Variants in NRF1 observed in about 807,000 individuals in gnomAD.
The protein encoded by NRF1 is alpha palindromic-binding protein.
A neutral mutation model predicts 58.5 loss-of-function variants in NRF1; 5 were observed. That is an observed-to-expected ratio of 0.09 (90% CI 0.04 to 0.18). The LOEUF is 0.18. Among genes scored for constraint, NRF1 ranks in the 10% least tolerant of loss-of-function variants. The pLI, the probability that NRF1 is intolerant of heterozygous loss-of-function variation, is 1.00. For synonymous variants in NRF1, 224 were observed against 246.7 expected (o/e 0.91, Z 0.86); for missense variants, 288 against 657.7 (o/e 0.44, Z 6.15).
rs150916699 is a variant in NRF1 at position 129,681,642 on chromosome 7, C to T, written c.465+3884C>T. On this transcript the variant is annotated intron_variant, in intron 4 of 10. Coordinates refer to ENST00000393232, the MANE Select transcript of NRF1 (RefSeq NM_005011.5). The stretch of plus-strand genomic sequence containing the variant: ...ACCTTAGAGTGTAGTGGCACAATCT[C>T]AGCTCACTGCAATCTCCTCCTCTTG... Among the ~76,000 whole-genome samples, 300 of 152,304 alleles carry T rather than the reference C, an allele frequency of 2.0e-3. 3 individuals are homozygous for T. Among genetic ancestry groups the T allele is most frequent in the African/African-American group, 6.8e-3 (283 of 41,570 alleles).
chr7:129,719,242 C>T (rs1007956797), intron 9 of NRF1, among the ~76,000 whole-genome samples: 4 of 151,920 alleles, frequency 2.6e-5, no homozygotes, highest in African/African-American at 7.3e-5. Flanking sequence ...AAGTGATTCT[C>T]CTGCCTCAGC....
chr7:129,754,323 C>G (rs1562995149), intron 10 of NRF1, among the ~76,000 whole-genome samples: 1 of 150,970 alleles, frequency 6.6e-6, no homozygotes. Flanking sequence ...ATTAGCCAGG[C>G]ATGGTGGCAC....
rs543576829 is a variant in NRF1, at chr7:129,714,351, A to G, written c.1065+2775A>G. Among the ~76,000 whole-genome samples, 6 of 152,320 alleles carry G rather than the reference A, an allele frequency of 3.9e-5. No individual in the cohort carries two copies. In the South Asian group the frequency reaches 1.2e-3, roughly 32 times the overall value. On this transcript the variant is annotated intron_variant, in intron 8 of 10. Coordinates refer to ENST00000393232, the MANE Select transcript of NRF1 (RefSeq NM_005011.5). ...TGCCTTTGGAGTTTGAGGACTTGAGAGAGCCTCACTGGGCCAAACTCAAGT... is the reference window on the plus strand; with the variant it reads ...TGCCTTTGGAGTTTGAGGACTTGAGGGAGCCTCACTGGGCCAAACTCAAGT...
intron 1 of NRF1, among the ~76,000 whole-genome samples, chr7:129,651,872 A>G (rs1432437377): frequency 1.3e-5 from 2 of 152,180 alleles, no homozygotes; most frequent in African/African-American, 4.8e-5. Context: ...ATGGAAGGGT[A>G]GCTTATCAGG....
chr7:129,733,403 T>C (rs1584682104), intron 10 of NRF1, among the ~76,000 whole-genome samples: 1 of 149,928 alleles, frequency 6.7e-6, no homozygotes, highest in South Asian at 2.1e-4. Flanking sequence ...GGAGGTGGAG[T>C]TTGCAGTGAT....
At chr7:129,676,051 G>A (rs1489274928) in intron 3 of NRF1, among the ~76,000 whole-genome samples, 1 of 152,208 alleles carries the variant, frequency 6.6e-6, no homozygotes, top group East Asian at 1.9e-4. Context: ...GTACTTTTAT[G>A]TAATGGAGAT....
At chr7:129,723,399 T>C (rs1803377514) in intron 9 of NRF1, among the ~76,000 whole-genome samples, 1 of 151,044 alleles carries the variant, frequency 6.6e-6, no homozygotes, top group Non-Finnish European at 1.5e-5. Flanking sequence ...GCCAAGATCA[T>C]GCCATTGCAC....
intron 2 of NRF1, among the ~76,000 whole-genome samples, chr7:129,661,040 G>T (rs899950042): frequency 2.6e-5 from 4 of 151,346 alleles, no homozygotes; most frequent in African/African-American, 7.4e-5. Flanking sequence ...TACACTTGCA[G>T]GCTCAACACC....
chr7:129,704,859 T>G (rs1459404214), intron 5 of NRF1, among the ~76,000 whole-genome samples: 1 of 152,250 alleles, frequency 6.6e-6, no homozygotes, highest in East Asian at 1.9e-4. Flanking sequence ...CTCTCCAGAT[T>G]AAGGATTAAA....
chr7:129,616,114 T>G (rs570396338), intron 1 of NRF1, among the ~76,000 whole-genome samples: 1 of 152,356 alleles, frequency 6.6e-6, no homozygotes, highest in South Asian at 2.1e-4. Context: ...TGGGCTAATG[T>G]ATTTTCAGCC....
At chr7:129,694,605 T>A (rs1347870266) in intron 5 of NRF1, among the ~76,000 whole-genome samples, 2 of 152,162 alleles carry the variant, frequency 1.3e-5, no homozygotes, top group African/African-American at 4.8e-5. Flanking sequence ...TGACCTTGAG[T>A]GATTCTCCCA....
chr7:129,754,040 C>G (rs773303021), intron 10 of NRF1, among the ~76,000 whole-genome samples: 27 of 152,288 alleles, frequency 1.8e-4, no homozygotes, highest in Admixed American at 9.8e-4. Flanking sequence ...ACATTCACAC[C>G]TGACGGGCCT....
At chr7:129,614,573 T>TGGTG (rs1379894615) in intron 1 of NRF1, among the ~76,000 whole-genome samples, 9 of 151,750 alleles carry the variant, frequency 5.9e-5, no homozygotes, top group African/African-American at 1.9e-4. Flanking sequence ...CACCTCAGCC[T>TGGTG]CCCCAGTAGC....
At chr7:129,752,104 G>A (rs551801708) in intron 10 of NRF1, among the ~76,000 whole-genome samples, 1 of 152,348 alleles carries the variant, frequency 6.6e-6, no homozygotes, top group South Asian at 2.1e-4. Flanking sequence ...GATCTTGAAA[G>A]AACCCTCTGT....
chr7:129,635,896 T>C (rs1801160269), intron 1 of NRF1, among the ~76,000 whole-genome samples: 1 of 152,198 alleles, frequency 6.6e-6, no homozygotes, highest in Admixed American at 6.5e-5. Context: ...CTTAATCTAA[T>C]TCCTCTTCCT....
At chr7:129,618,190 G>A (rs1800695486) in intron 1 of NRF1, among the ~76,000 whole-genome samples, 1 of 140,270 alleles carries the variant, frequency 7.1e-6, no homozygotes, top group South Asian at 2.2e-4. Context: ...AAAGATTATA[G>A]TGTGGTTATT....
intron 5 of NRF1, among the ~76,000 whole-genome samples, chr7:129,690,962 T>C (rs1802552320): frequency 6.6e-6 from 1 of 152,226 alleles, no homozygotes; most frequent in South Asian, 2.1e-4. Flanking sequence ...CCATAATTAT[T>C]ACTAAGTACA....
chr7:129,620,481 C>T (rs555590171), intron 1 of NRF1, among the ~76,000 whole-genome samples: 3 of 151,724 alleles, frequency 2.0e-5, no homozygotes, highest in South Asian at 2.1e-4. Flanking sequence ...CTCCGCCTCC[C>T]GGGTTCAAGC....
At chr7:129,619,480 GTGTGTGTGTGTATATATATATATA>G (rs1562950214) in intron 1 of NRF1, among the ~76,000 whole-genome samples, 1 of 30,812 alleles carries the variant, frequency 3.2e-5, no homozygotes, top group Non-Finnish European at 8.8e-5. Flanking sequence ...GTGTGTGTGT[GTGTGTGTGTGTATATATATATATA>G]TATATATATG....
Sources: allele counts gnomAD v4.1 joint callset (sites outside exome capture counted in the v4.1 genomes callset), GRCh38; gene constraint gnomAD v4.1.1; transcripts MANE v1.5; gene names NCBI Gene and HGNC (gene_info 2026-07-23, HGNC 2026-07-21).